Variants in CIAO1 observed in about 807,000 individuals in gnomAD.
CIAO1 encodes cytosolic iron-sulfur assembly component 1.
Under a neutral mutation model 43.1 loss-of-function variants are expected in CIAO1, and 32 were observed. The ratio of observed to expected loss-of-function variants is 0.74; its 90% CI spans 0.56 to 1.00. CIAO1 has a LOEUF of 1.00. Ranked by LOEUF, CIAO1 falls within the 50% of genes least tolerant of loss-of-function variation. CIAO1 has a pLI of 0.00. For synonymous variants in CIAO1, 183 were observed against 171.4 expected (o/e 1.07, Z -0.53); for missense variants, 415 against 437.4 (o/e 0.95, Z 0.46).
chr2:96,271,015 G>A (rs1266115012), intron 6 of CIAO1, 96 bp from the exon 7 acceptor site: 1 of 1,492,100 alleles, frequency 6.7e-7, no homozygotes, highest in Non-Finnish European at 9.1e-7. Flanking sequence ...TTTAGCTGAG[G>A]CCTGAAGTTA....
chr2:96,266,250 C>G lies in CIAO1; in HGVS notation c.-101C>G. The G allele has an allele frequency of 3.2e-6, 4 of 1,232,566 alleles. No homozygotes were observed. The highest frequency in any genetic ancestry group is 4.1e-6 in the Non-Finnish European group (4 of 974,680). 76.4% of individuals were successfully genotyped at this position (1,232,566 alleles called of 1,614,324 possible). A position where few individuals can be genotyped will look rare whatever the true frequency, so the allele number is the denominator to read the frequency against. Reference sequence around the variant, plus strand: ...GGCGGAAGCGGGAGCCTCTGTCGGCCGCGGAAGCCTGGAGTGGGCGGTACG... The same window carrying G: ...GGCGGAAGCGGGAGCCTCTGTCGGCGGCGGAAGCCTGGAGTGGGCGGTACG... On this transcript the variant is annotated 5_prime_UTR_variant, in exon 1 of 7. Coordinates refer to ENST00000488633, the MANE Select transcript of CIAO1 (RefSeq NM_004804.3).
In CIAO1 at chr2:96,267,846, G is replaced by A. The variant is rs370038210; in HGVS notation, c.411G>A (p.Glu137=). The A allele has an allele frequency of 2.5e-6, 4 of 1,614,116 alleles. No individual in the cohort carries two copies. In the Admixed American group the frequency reaches 5.0e-5, roughly 20 times the overall value. The change falls in exon 4 of 7, where the codon GAG becomes GAA. Residue 137 remains glutamate, a synonymous_variant. Coordinates refer to ENST00000488633, the MANE Select transcript of CIAO1 (RefSeq NM_004804.3). ...KSVWVWEVDE[E]DEYECVSVLN... is the part of the protein sequence containing the mutation. The stretch of plus-strand genomic sequence containing the variant: ...TTTTCTCTCCCACAGTTGATGAAGA[G>A]GATGAGTATGAATGTGTCAGTGTTC...
chr2:96,268,923 C>T (rs1046677117), intron 5 of CIAO1: 24 of 563,588 alleles, frequency 4.3e-5, no homozygotes, highest in Non-Finnish European at 6.3e-5. Flanking sequence ...ATAACAATGG[C>T]GGGAATGCTT....
In CIAO1 at chr2:96,268,578, C is replaced by G; in HGVS notation, c.611C>G (p.Pro204Arg). 1.2e-6 allele frequency: 2 copies of G among 1,614,186 alleles called. No individual in the cohort carries two copies. The highest frequency in any genetic ancestry group is 8.5e-7 in the Non-Finnish European group (1 of 1,180,046). Residue 204 changes from proline to arginine, a missense_variant, in exon 5 of 7, where the codon CCG becomes CGG. Physicochemically the swap from Pro to Arg is moderately radical, Grantham distance 103. Coordinates refer to ENST00000488633, the MANE Select transcript of CIAO1 (RefSeq NM_004804.3). The part of the protein sequence containing the change: ...ESTVWSLAFD[P>R]SGQRLASCSD... ...ACTGTGTGGAGCTTGGCCTTTGACC[C>G]GAGTGGCCAGCGCCTGGCGTCTTGT...
intron 4 of CIAO1, 124 bp downstream of exon 4, chr2:96,268,048 T>A: frequency 1.3e-6 from 1 of 799,272 alleles, no homozygotes; most frequent in Non-Finnish European, 2.1e-6. Flanking sequence ...CAAAAAACAT[T>A]AGTCCCTTTA....
chr2:96,268,094 C>T, intron 4 of CIAO1, 170 bp downstream of exon 4: 6 of 658,822 alleles, frequency 9.1e-6, no homozygotes, highest in South Asian at 1.8e-5. Context: ...TGGCTCACAC[C>T]TATAATCTCA....
chr2:96,268,339 C>T, intron 4 of CIAO1, 118 bp from the exon 5 acceptor site: 1 of 904,662 alleles, frequency 1.1e-6, no homozygotes, highest in Non-Finnish European at 1.7e-6. Flanking sequence ...GCAACAACAG[C>T]AAACTTCATC....
Position 96,271,557 on chromosome 2 carries a change from T to C in CIAO1, c.*206T>C. ...GCCTTCAGTAAAGAGCTACAGAACA[T>C]GAGTACATTGTTATACCACAGATTT... On this transcript the variant is annotated 3_prime_UTR_variant, in exon 7 of 7. Coordinates refer to ENST00000488633, the MANE Select transcript of CIAO1 (RefSeq NM_004804.3). 1.7e-6 allele frequency: 1 copy of C among 605,298 alleles called. No homozygotes were observed. Among genetic ancestry groups the C allele is most frequent in the Non-Finnish European group, 2.9e-6 (1 of 349,680 alleles). The allele number at this position is 605,298 out of a possible 1,614,324, so 37.5% of individuals were successfully genotyped here.
Position 96,273,739 on chromosome 2 carries a change from G to A in CIAO1, c.*2388G>A, listed in dbSNP as rs1684600468. ...AGAATAGCCACAATTAGCTGAAAAGGCTATTTTAAAAACTTTTCCAACTGC... is the reference window on the plus strand; with the variant it reads ...AGAATAGCCACAATTAGCTGAAAAGACTATTTTAAAAACTTTTCCAACTGC... On this transcript the variant is annotated 3_prime_UTR_variant, in exon 7 of 7. Transcript: ENST00000488633. 6.6e-6 allele frequency among the ~76,000 whole-genome samples: 1 copy of A among 151,786 alleles called. No homozygotes were observed. Among genetic ancestry groups the A allele is most frequent in the South Asian group, 2.1e-4 (1 of 4,810 alleles).
Position 96,267,374 on chromosome 2 carries a change from C to T in CIAO1, c.193C>T (p.Arg65Trp), listed in dbSNP as rs11544859. Reference protein sequence around the residue: ...VLSEGHQRTVRKVAWSPCGNY... With the variant: ...VLSEGHQRTVWKVAWSPCGNY... The stretch of plus-strand genomic sequence containing the variant: ...TTCTGAAGGCCACCAGCGCACCGTG[C>T]GGAAGGTAGCCTGGTCCCCCTGCGG... The change falls in exon 2 of 7, where the codon CGG (arginine) becomes TGG (tryptophan). Residue 65 changes from arginine (R) to tryptophan (W), a missense_variant. Physicochemically the swap from Arg to Trp is moderately radical, Grantham distance 101 (BLOSUM62 -3). Transcript: ENST00000488633. 2,647 of 1,614,138 alleles carry T rather than the reference C, an allele frequency of 1.6e-3. No individual in the cohort carries two copies. The highest frequency in any genetic ancestry group is 2.0e-3 in the Non-Finnish European group (2,412 of 1,180,024).
At chr2:96,266,963 C>T (rs1470906297) in intron 1 of CIAO1, among the ~76,000 whole-genome samples, 1 of 151,820 alleles carries the variant, frequency 6.6e-6, no homozygotes, top group Non-Finnish European at 1.5e-5. Context: ...GGTGAAACCC[C>T]GTCTCTACTA....
intron 5 of CIAO1, 24 bp downstream of exon 5, chr2:96,268,682 A>C (rs1312162468): frequency 3.7e-6 from 6 of 1,612,118 alleles, no homozygotes; most frequent in Non-Finnish European, 5.1e-6. Context: ...GTAGAGCTAA[A>C]GAAGACCCAT....
chr2:96,271,180 C>G lies in CIAO1; in HGVS notation c.849C>G (p.Pro283=), dbSNP rs1182217242. ...DDAIRVFQED[P]NSDPQQPTFS... is the part of the protein sequence containing the mutation. ...CGATCCGCGTGTTTCAGGAGGATCC[C>G]AACTCGGATCCACAGCAGCCCACCT... Residue 283 remains proline (P), a synonymous_variant, in exon 7 of 7, where the codon CCC becomes CCG. Coordinates refer to ENST00000488633, the MANE Select transcript of CIAO1 (RefSeq NM_004804.3). The G allele has an allele frequency of 6.2e-7, 1 of 1,614,206 alleles. No individual in the cohort carries two copies. Among genetic ancestry groups the G allele is most frequent in the Non-Finnish European group, 8.5e-7 (1 of 1,180,034 alleles).
Position 96,266,332 on chromosome 2 carries a change from C to A in CIAO1, c.-19C>A, listed in dbSNP as rs926374916. The stretch of plus-strand genomic sequence containing the variant: ...CAGCGGACTCTGCCCGCCCCCACCT[C>A]CCCCTGCGTCGGGCCGACATGAAGG... On this transcript the variant is annotated 5_prime_UTR_variant, in exon 1 of 7. Coordinates refer to ENST00000488633, the MANE Select transcript of CIAO1 (RefSeq NM_004804.3). 2 of 1,390,332 alleles carry A rather than the reference C, an allele frequency of 1.4e-6. No homozygotes were observed. The highest frequency in any genetic ancestry group is 3.0e-5 in the South Asian group (2 of 65,704). The allele number at this position is 1,390,332 out of a possible 1,614,324, so 86.1% of individuals were successfully genotyped here.
chr2:96,267,439 C>G lies in CIAO1; in HGVS notation c.258C>G (p.Cys86Trp), dbSNP rs746033126. ...CTGCCAGCTTTGATGCTACCACTTGCATTTGGAAGAAGAACCAGGATGACT... is the reference window on the plus strand; with the variant it reads ...CTGCCAGCTTTGATGCTACCACTTGGATTTGGAAGAAGAACCAGGATGACT... ...LASASFDATT[C>W]IWKKNQDDFE... is the part of the protein sequence containing the mutation. The change falls in exon 2 of 7, where the codon TGC (cysteine) becomes TGG (tryptophan). Residue 86 changes from cysteine (C) to tryptophan (W), a missense_variant. By Grantham distance (215) the Cys-to-Trp change is radical. Transcript: ENST00000488633. 1.1e-5 allele frequency: 17 copies of G among 1,614,230 alleles called. No individual in the cohort carries two copies. Among genetic ancestry groups the G allele is most frequent in the African/African-American group, 4.0e-5 (3 of 75,068 alleles).
Position 96,266,380 on chromosome 2 carries a change from T to C in CIAO1, c.30T>C (p.Arg10=). Reference sequence around the variant, plus strand: ...AGGACTCGCTGGTGCTGCTGGGCCGTGTCCCGGCGCACCCGGACTCCCGCT... The same window carrying C: ...AGGACTCGCTGGTGCTGCTGGGCCGCGTCCCGGCGCACCCGGACTCCCGCT... MKDSLVLLG[R]VPAHPDSRCW... The change falls in exon 1 of 7, where the codon CGT becomes CGC. Residue 10 remains arginine, a synonymous_variant. Coordinates refer to ENST00000488633, the MANE Select transcript of CIAO1 (RefSeq NM_004804.3). 1 of 1,510,780 alleles carries C rather than the reference T, an allele frequency of 6.6e-7. No individual in the cohort carries two copies. Among genetic ancestry groups the C allele is most frequent in the East Asian group, 2.6e-5 (1 of 38,218 alleles). The allele number at this position is 1,510,780 out of a possible 1,614,324, so 93.6% of individuals were successfully genotyped here.
chr2:96,267,212 A>C lies in CIAO1; in HGVS notation c.140-109A>C, dbSNP rs1046687275. ...CATCTTTGTAAAAGCTGTGAAATAC[A>C]CTCCCTGAGCTTTCCCCCACTAGCT... On this transcript the variant is annotated intron_variant, in intron 1 of 6. Coordinates refer to ENST00000488633, the MANE Select transcript of CIAO1 (RefSeq NM_004804.3). The C allele has an allele frequency of 1.6e-5, 17 of 1,066,846 alleles. No homozygotes were observed. The East Asian group carries it at 4.2e-4, about 26-fold the overall frequency. 66.1% of individuals were successfully genotyped at this position (1,066,846 alleles called of 1,614,324 possible). A position where few individuals can be genotyped will look rare whatever the true frequency, so the allele number is the denominator to read the frequency against.
In CIAO1 at chr2:96,273,649, C is replaced by T. The variant is rs920754039; in HGVS notation, c.*2298C>T. Among the ~76,000 whole-genome samples the T allele has an allele frequency of 1.6e-5, 2 of 122,476 alleles. No individual in the cohort carries two copies. The highest frequency in any genetic ancestry group is 3.2e-5 in the Non-Finnish European group (2 of 63,464). The allele number at this position is 122,476 out of a possible 152,430, so 80.3% of individuals were successfully genotyped here. On this transcript the variant is annotated 3_prime_UTR_variant, in exon 7 of 7. Transcript: ENST00000488633. The stretch of plus-strand genomic sequence containing the variant: ...CTGGACTCCAGCCTGGGTGACAGAG[C>T]GAGACTCCATTTCAAAAAAAAAAAA...
chr2:96,268,921 G>A, intron 5 of CIAO1: 2 of 567,530 alleles, frequency 3.5e-6, no homozygotes, highest in South Asian at 4.2e-5. Context: ...AGATAACAAT[G>A]GCGGGAATGC....
Sources: allele counts gnomAD v4.1 joint callset (sites outside exome capture counted in the v4.1 genomes callset), GRCh38; gene constraint gnomAD v4.1.1; transcripts MANE v1.5; gene names NCBI Gene and HGNC (gene_info 2026-07-23, HGNC 2026-07-21).